TDRD10: variants seen among roughly 807,000 people sequenced by gnomAD.
The protein encoded by TDRD10 is tudor domain containing 10.
TDRD10 carries 40 observed loss-of-function variants against 48.0 expected under a neutral mutation model. The observed-to-expected ratio is 0.83, with a 90% CI of 0.65 to 1.09. The LOEUF (loss-of-function observed/expected upper bound fraction) is 1.09, where lower values mean the gene tolerates loss of function less well. Ranked by LOEUF, TDRD10 falls within the 50% of genes least tolerant of loss-of-function variation. TDRD10 has a pLI of 0.00. For missense variants in TDRD10, 378 were observed against 434.7 expected (o/e 0.87, Z 1.16); for synonymous variants, 162 against 170.4 (o/e 0.95, Z 0.38).
intron 6 of TDRD10, among the ~76,000 whole-genome samples, chr1:154,531,667 A>C (rs766643127): frequency 5.3e-5 from 8 of 152,192 alleles, no homozygotes; most frequent in Non-Finnish European, 1.0e-4. Flanking sequence ...ATTTATTGCA[A>C]AGAGCGAAAG....
chr1:154,540,530 A>AAAAAAAAG (rs1695167940), intron 6 of TDRD10, among the ~76,000 whole-genome samples: 1 of 139,644 alleles, frequency 7.2e-6, no homozygotes, highest in African/African-American at 2.5e-5. Flanking sequence ...AAAAAAAAAA[A>AAAAAAAAG]TGCCGTTCAC....
chr1:154,502,277 G>C lies in TDRD10; in HGVS notation c.-780G>C, dbSNP rs957237838. On this transcript the variant is annotated 5_prime_UTR_variant, in exon 1 of 13. Coordinates refer to ENST00000368482, the MANE Select transcript of TDRD10 (RefSeq NM_182499.4). ...GGCTCTCGGAGGCGGCGGGCGCCGG[G>C]GGCTTCCCCCTGCTCTTTCCTCCTG... 6.0e-5 allele frequency: 13 copies of C among 215,312 alleles called. No individual in the cohort carries two copies. Among genetic ancestry groups the C allele is most frequent in the Non-Finnish European group, 9.0e-5 (10 of 110,982 alleles). The allele number at this position is 215,312 out of a possible 1,614,324, so 13.3% of individuals were successfully genotyped here. A position where few individuals can be genotyped will look rare whatever the true frequency, so the allele number is the denominator to read the frequency against.
intron 6 of TDRD10, among the ~76,000 whole-genome samples, chr1:154,529,496 G>A (rs546658125): frequency 1.6e-4 from 24 of 151,524 alleles, no homozygotes; most frequent in Non-Finnish European, 2.5e-4. Flanking sequence ...AGCAGAAACC[G>A]CAATAATTTT....
At chr1:154,528,929 T>C (rs976003365) in intron 6 of TDRD10, among the ~76,000 whole-genome samples, 6 of 152,236 alleles carry the variant, frequency 3.9e-5, no homozygotes, top group Non-Finnish European at 8.8e-5. Flanking sequence ...TATTACATTA[T>C]ATACACATAA....
chr1:154,544,148 C>T, intron 9 of TDRD10, 38 bp downstream of exon 9: 2 of 1,613,570 alleles, frequency 1.2e-6, no homozygotes, highest in East Asian at 2.2e-5. Context: ...GCTCCTGTGC[C>T]TTCCTGCGTG....
rs973853964 is a variant in TDRD10, at chr1:154,525,390, A to G, written c.369+3911A>G. 2.3e-4 allele frequency among the ~76,000 whole-genome samples: 14 copies of G among 59,834 alleles called. No homozygotes were observed. The Admixed American group carries it at 2.8e-3, about 12-fold the overall frequency. 39.3% of individuals were successfully genotyped at this position (59,834 alleles called of 152,430 possible). Reference sequence around the variant, plus strand: ...AAAAGCATTCCTATGTAAACAACACATGGGTCAAAGAAGAATTTATAAAGA... The same window carrying G: ...AAAAGCATTCCTATGTAAACAACACGTGGGTCAAAGAAGAATTTATAAAGA... On this transcript the variant is annotated intron_variant, in intron 6 of 12. Coordinates refer to ENST00000368482, the MANE Select transcript of TDRD10 (RefSeq NM_182499.4).
chr1:154,508,085 G>T (rs1346249491), intron 3 of TDRD10, among the ~76,000 whole-genome samples: 3 of 152,176 alleles, frequency 2.0e-5, no homozygotes, highest in African/African-American at 7.2e-5. Context: ...GGTATGCATG[G>T]CCAGCACTTC....
intron 4 of TDRD10, chr1:154,509,725 G>A (rs1314895538): frequency 6.4e-6 from 4 of 625,066 alleles, no homozygotes; most frequent in Admixed American, 6.3e-5. Flanking sequence ...AATCAAAGGG[G>A]CAGGTTGGGG....
At chr1:154,546,947 G>A (rs1557841234) in intron 11 of TDRD10, among the ~76,000 whole-genome samples, 1 of 152,092 alleles carries the variant, frequency 6.6e-6, no homozygotes, top group Non-Finnish European at 1.5e-5. Context: ...TGGGATGGTG[G>A]GAGTTGCGTG....
Sources: allele counts gnomAD v4.1 joint callset (sites outside exome capture counted in the v4.1 genomes callset), GRCh38; gene constraint gnomAD v4.1.1; transcripts MANE v1.5; gene names NCBI Gene and HGNC (gene_info 2026-07-23, HGNC 2026-07-21).